SMAP1: variants seen among roughly 807,000 people sequenced by gnomAD.
SMAP1 encodes the protein stromal membrane-associated protein 1.
SMAP1 carries 24 observed loss-of-function variants against 58.5 expected under a neutral mutation model. The ratio of observed to expected loss-of-function variants is 0.41; its 90% CI spans 0.30 to 0.58. The LOEUF (loss-of-function observed/expected upper bound fraction) is 0.58, where lower values mean the gene tolerates loss of function less well. Among genes scored for constraint, SMAP1 ranks in the 20% least tolerant of loss-of-function variants. SMAP1 has a pLI of 0.29. For missense variants in SMAP1, 563 were observed against 566.3 expected (o/e 0.99, Z 0.06); for synonymous variants, 216 against 196.6 (o/e 1.10, Z -0.82).
chr6:70,794,531 C>T (rs557675490), intron 5 of SMAP1, among the ~76,000 whole-genome samples: 1 of 152,276 alleles, frequency 6.6e-6, no homozygotes, highest in South Asian at 2.1e-4. Flanking sequence ...CTCGTCAACT[C>T]ATCATTTACA....
At chr6:70,852,707 CCT>C (rs1488831138) in intron 8 of SMAP1, 43 bp downstream of exon 8, 1 of 1,465,554 alleles carries the variant, frequency 6.8e-7, no homozygotes, top group African/African-American at 1.5e-5. Context: ...CTGCTTATTT[CCT>C]TTTTGAAAAG....
intron 1 of SMAP1, among the ~76,000 whole-genome samples, chr6:70,728,405 G>C (rs1426660396): frequency 6.6e-6 from 1 of 152,152 alleles, no homozygotes; most frequent in Non-Finnish European, 1.5e-5. Flanking sequence ...TGGGAAAATT[G>C]ATATTAAAGA....
chr6:70,677,432 CTTTTTTTTTTTTTTTTTT>C (rs58133069), intron 1 of SMAP1, among the ~76,000 whole-genome samples: 4 of 60,376 alleles, frequency 6.6e-5, no homozygotes, highest in Admixed American at 4.8e-4. Context: ...CTTGTCACTT[CTTTTTTTTTTTTTTTTTT>C]TTTTTTTTTT....
chr6:70,688,353 A>C (rs1480218982), intron 1 of SMAP1, among the ~76,000 whole-genome samples: 1 of 152,182 alleles, frequency 6.6e-6, no homozygotes, highest in Non-Finnish European at 1.5e-5. Flanking sequence ...TGGTGATTGC[A>C]TGCTTAGATC....
intron 1 of SMAP1, among the ~76,000 whole-genome samples, chr6:70,679,678 G>A (rs998281007): frequency 6.6e-6 from 1 of 152,192 alleles, no homozygotes; most frequent in Non-Finnish European, 1.5e-5. Context: ...TGCAAGACCT[G>A]TATACCAAAA....
chr6:70,767,588 T>C (rs1312447757), intron 3 of SMAP1, among the ~76,000 whole-genome samples: 2 of 151,616 alleles, frequency 1.3e-5, no homozygotes, highest in African/African-American at 2.4e-5. Context: ...GTGATTTTTG[T>C]ACATTGATTT....
intron 1 of SMAP1, 107 bp downstream of exon 1, chr6:70,668,248 G>C (rs921830163): frequency 2.3e-5 from 25 of 1,080,236 alleles, no homozygotes; most frequent in Middle Eastern, 6.1e-4. Context: ...TTCGCTGGCC[G>C]GCTCCTGCCC....
chr6:70,815,257 T>C (rs1769568468), intron 6 of SMAP1, among the ~76,000 whole-genome samples: 2 of 152,182 alleles, frequency 1.3e-5, no homozygotes, highest in Admixed American at 1.3e-4. Flanking sequence ...ACCAAAACTA[T>C]AGGTTAACAT....
At chr6:70,840,390 C>G (rs1311006513) in intron 7 of SMAP1, among the ~76,000 whole-genome samples, 1 of 152,128 alleles carries the variant, frequency 6.6e-6, no homozygotes, top group Non-Finnish European at 1.5e-5. Flanking sequence ...ATTCAAAGTT[C>G]AAACATAAAA....
chr6:70,770,754 A>T (rs957465730), intron 3 of SMAP1, among the ~76,000 whole-genome samples: 4 of 152,172 alleles, frequency 2.6e-5, no homozygotes, highest in Admixed American at 2.0e-4. Context: ...CAACTTGTCA[A>T]AGTCATTCTC....
Position 70,861,765 on chromosome 6 carries a change from A to G in SMAP1, c.*1431A>G. ...ACACGAGAACCTGAAGGGGAAGGAA[A>G]TAGCTTGGGTAGCGCACTCTTCATG... is the stretch of plus-strand genomic sequence containing the variant. On this transcript the variant is annotated 3_prime_UTR_variant, in exon 11 of 11. Transcript: ENST00000370455. 1 of 1,614,076 alleles carries G rather than the reference A, an allele frequency of 6.2e-7. No homozygotes were observed. Among genetic ancestry groups the G allele is most frequent in the Non-Finnish European group, 8.5e-7 (1 of 1,179,964 alleles).
intron 7 of SMAP1, among the ~76,000 whole-genome samples, chr6:70,840,449 A>G (rs1770758755): frequency 6.6e-6 from 1 of 152,112 alleles, no homozygotes; most frequent in Non-Finnish European, 1.5e-5. Context: ...ATTTTTTTCC[A>G]AGAAGGGCCA....
chr6:70,705,691 A>T (rs1225091935), intron 1 of SMAP1, among the ~76,000 whole-genome samples: 1 of 152,206 alleles, frequency 6.6e-6, no homozygotes, highest in African/African-American at 2.4e-5. Context: ...GAGTGGCAGG[A>T]TGGCCTTGTC....
chr6:70,690,217 G>T (rs1229296069), intron 1 of SMAP1, among the ~76,000 whole-genome samples: 1 of 152,132 alleles, frequency 6.6e-6, no homozygotes, highest in Non-Finnish European at 1.5e-5. Flanking sequence ...TTTGTTGCTA[G>T]GTTGCTGAGA....
At chr6:70,823,821 C>T (rs1300831835) in intron 6 of SMAP1, among the ~76,000 whole-genome samples, 1 of 149,666 alleles carries the variant, frequency 6.7e-6, no homozygotes, top group Non-Finnish European at 1.5e-5. Context: ...CATGTGGAAC[C>T]CACAGATAGA....
chr6:70,791,721 G>C lies in SMAP1; in HGVS notation c.447G>C (p.Leu149Phe). Reference sequence around the variant, plus strand: ...CCTCTGATGCTCCTCTTCAGCCTTTGGTATCCTCTCCTTCTCTGCAAGCTG... The same window carrying C: ...CCTCTGATGCTCCTCTTCAGCCTTTCGTATCCTCTCCTTCTCTGCAAGCTG... ...ISSSDAPLQP[L>F]VSSPSLQAAV... is the part of the protein sequence containing the mutation. The change falls in exon 5 of 11, where the codon TTG (leucine) becomes TTC (phenylalanine). Residue 149 changes from leucine (L) to phenylalanine (F), a missense_variant. By Grantham distance (22) the Leu-to-Phe change is conservative (BLOSUM62 0). This residue lies in a region of SMAP1 where 494 missense variants were observed against 473.8 expected (regional missense o/e 1.04). Coordinates refer to ENST00000370455, the MANE Select transcript of SMAP1 (RefSeq NM_001044305.3). 1 of 1,612,876 alleles carries C rather than the reference G, an allele frequency of 6.2e-7. No individual in the cohort carries two copies. Among genetic ancestry groups the C allele is most frequent in the Non-Finnish European group, 8.5e-7 (1 of 1,179,520 alleles).
chr6:70,764,094 T>G (rs1766864308), intron 3 of SMAP1, among the ~76,000 whole-genome samples: 1 of 151,810 alleles, frequency 6.6e-6, no homozygotes. Flanking sequence ...TTTTTTTTTT[T>G]GTAAAGATGG....
intron 4 of SMAP1, among the ~76,000 whole-genome samples, chr6:70,779,147 G>A (rs1767660463): frequency 2.6e-5 from 4 of 152,232 alleles, no homozygotes; most frequent in Admixed American, 2.6e-4. Context: ...ATATCCTGGA[G>A]CAGACTCCCT....
At chr6:70,736,404 C>T (rs914153020) in intron 2 of SMAP1, among the ~76,000 whole-genome samples, 3 of 151,792 alleles carry the variant, frequency 2.0e-5, no homozygotes, top group African/African-American at 7.3e-5. Context: ...TCCCCCCACC[C>T]AAGATATTAT....
Sources: gnomAD v4.1 joint callset for allele counts (sites outside exome capture counted in the v4.1 genomes callset) on GRCh38, gnomAD v4.1.1 for gene constraint, gnomAD v4.1.1 regional missense constraint, MANE v1.5 for transcripts, NCBI Gene and HGNC (gene_info 2026-07-23, HGNC 2026-07-21) for gene names.